Variants in GRAMD4 observed in about 807,000 individuals in gnomAD.
GRAMD4 encodes GRAM domain-containing protein 4.
In GRAMD4, 25 loss-of-function variants were observed where a neutral mutation model predicts 83.9. That is an observed-to-expected ratio of 0.30 (90% CI 0.22 to 0.42). GRAMD4 has a LOEUF of 0.42. Among genes scored for constraint, GRAMD4 ranks in the 10% least tolerant of loss-of-function variants. The probability of loss-of-function intolerance (pLI) is 1.00; values close to 1 mark genes in which losing one functional copy is unlikely to be tolerated. For synonymous variants in GRAMD4, 336 were observed against 320.9 expected (o/e 1.05, Z -0.50); for missense variants, 593 against 788.7 (o/e 0.75, Z 2.97).
At chr22:46,670,933 G>A (rs1305024679) in intron 13 of GRAMD4, 3 of 265,696 alleles carry the variant, frequency 1.1e-5, no homozygotes, top group Admixed American at 7.9e-5. Flanking sequence ...CACCCAGTGT[G>A]GTTTGGGTTC....
chr22:46,600,372 G>A (rs1008681933), intron 1 of GRAMD4, among the ~76,000 whole-genome samples: 1 of 152,172 alleles, frequency 6.6e-6, no homozygotes. Context: ...GGAGCTGCTT[G>A]GGGTGCTCTG....
chr22:46,587,674 A>G (rs1262842839), intron 1 of GRAMD4, among the ~76,000 whole-genome samples: 2 of 151,750 alleles, frequency 1.3e-5, no homozygotes, highest in African/African-American at 4.9e-5. Flanking sequence ...CTGTGGGAGA[A>G]GCCTAGGCAG....
chr22:46,650,268 G>T (rs564547158), intron 3 of GRAMD4, among the ~76,000 whole-genome samples: 2 of 152,324 alleles, frequency 1.3e-5, no homozygotes, highest in South Asian at 2.1e-4. Flanking sequence ...AATAGCCGCA[G>T]AACTGCTTTC....
intron 3 of GRAMD4, among the ~76,000 whole-genome samples, chr22:46,644,781 G>A (rs1390111772): frequency 1.0e-4 from 15 of 144,666 alleles, no homozygotes; most frequent in African/African-American, 7.7e-5. Context: ...CACTGAGGCC[G>A]GAGTGCAGTA....
At chr22:46,607,318 C>T (rs1480780792) in intron 1 of GRAMD4, among the ~76,000 whole-genome samples, 1 of 152,162 alleles carries the variant, frequency 6.6e-6, no homozygotes, top group Non-Finnish European at 1.5e-5. Flanking sequence ...ATGTTGTGCA[C>T]ATGTACCCTA....
intron 2 of GRAMD4, among the ~76,000 whole-genome samples, chr22:46,636,893 T>TG (rs1460301311): frequency 6.6e-6 from 1 of 152,208 alleles, no homozygotes; most frequent in Non-Finnish European, 1.5e-5. Flanking sequence ...CCTGGCTTGC[T>TG]GGGGCTGTGA....
chr22:46,639,161 T>A (rs1044143397), intron 3 of GRAMD4, among the ~76,000 whole-genome samples: 1 of 151,438 alleles, frequency 6.6e-6, no homozygotes, highest in African/African-American at 2.4e-5. Flanking sequence ...TGAGTGTGTG[T>A]GTGTGTGTGT....
At chr22:46,615,628 C>T (rs1256774734), upstream of GRAMD4, among the ~76,000 whole-genome samples, 15 of 114,722 alleles carry the variant, frequency 1.3e-4, 1 homozygote, top group African/African-American at 5.0e-4. Flanking sequence ...GTAGGTTCCC[C>T]CGTGTGTAGG....
intron 3 of GRAMD4, among the ~76,000 whole-genome samples, chr22:46,652,296 CT>C (rs2147296377): frequency 6.6e-6 from 1 of 152,246 alleles, no homozygotes; most frequent in African/African-American, 2.4e-5. Flanking sequence ...TCATTGCTCC[CT>C]GGGGGCCGCA....
Position 46,626,838 on chromosome 22 carries a change from CAA to C in GRAMD4, c.40_41del (p.Lys14GlufsTer3). On this transcript the variant is annotated frameshift_variant, in exon 2 of 19. Coordinates refer to ENST00000406902, the MANE Select transcript of GRAMD4 (RefSeq NM_015124.5). LOFTEE classifies it high-confidence loss of function. ...RLDKIRFRGH[K>X]RDDFLDLAES... ...TGGACAAAATCAGGTTCAGAGGTCA[CAA>C]GAGAGATGACTTCCTCGATCTAGCG... 1 of 1,613,732 alleles carries C rather than the reference CAA, an allele frequency of 6.2e-7. No homozygotes were observed. The highest frequency in any genetic ancestry group is 8.5e-7 in the Non-Finnish European group (1 of 1,179,618).
At chr22:46,623,662 C>T (rs2081610819) in intron 1 of GRAMD4, among the ~76,000 whole-genome samples, 1 of 152,112 alleles carries the variant, frequency 6.6e-6, no homozygotes. Context: ...TCCCAAAGTG[C>T]TGAGATTACA....
intron 10 of GRAMD4, among the ~76,000 whole-genome samples, 162 bp downstream of exon 10, chr22:46,667,035 T>C (rs1457468567): frequency 6.6e-6 from 1 of 152,062 alleles, no homozygotes; most frequent in African/African-American, 2.4e-5. Flanking sequence ...GGCCAGCCCC[T>C]CCCTAGCCCC....
chr22:46,671,145 C>CG (rs768950200), intron 13 of GRAMD4: 2 of 465,412 alleles, frequency 4.3e-6, no homozygotes, highest in South Asian at 3.1e-5. Flanking sequence ...GCTGAGCTGT[C>CG]CCTCCTGGGT....
chr22:46,615,982 G>A (rs1319596170), upstream of GRAMD4, among the ~76,000 whole-genome samples: 1 of 130,168 alleles, frequency 7.7e-6, no homozygotes, highest in Admixed American at 8.5e-5. Flanking sequence ...AGGTTCCCCT[G>A]TGCTTGTGGG....
Position 46,673,273 on chromosome 22 carries a change from C to T in GRAMD4, c.1239+276C>T, listed in dbSNP as rs780032654. Among the ~76,000 whole-genome samples the T allele has an allele frequency of 3.9e-5, 6 of 152,356 alleles. No homozygotes were observed. The East Asian group carries it at 1.2e-3, about 29-fold the overall frequency. ...GTGACCACTCCATGGGGGTGCCCGG[C>T]CCCTGCCATCCCTGACAGTGAGGCT... On this transcript the variant is annotated intron_variant, in intron 14 of 18. Coordinates refer to ENST00000406902, the MANE Select transcript of GRAMD4 (RefSeq NM_015124.5).
upstream of GRAMD4, among the ~76,000 whole-genome samples, chr22:46,576,926 G>A (rs1276810320): frequency 6.9e-6 from 1 of 145,840 alleles, no homozygotes; most frequent in Non-Finnish European, 1.5e-5. Flanking sequence ...CGCGCCGCGT[G>A]ACCGAGCTGG....
At chr22:46,652,962 G>A (rs1246526042) in intron 3 of GRAMD4, among the ~76,000 whole-genome samples, 3 of 152,214 alleles carry the variant, frequency 2.0e-5, no homozygotes, top group African/African-American at 4.8e-5. Flanking sequence ...AGGCCGGTGC[G>A]ATGGAGTCGT....
chr22:46,637,123 G>C (rs2081901848), intron 2 of GRAMD4, among the ~76,000 whole-genome samples: 1 of 152,212 alleles, frequency 6.6e-6, no homozygotes, highest in Non-Finnish European at 1.5e-5. Flanking sequence ...CTCCACTGAG[G>C]TGTGAGGGCC....
At chr22:46,607,200 TA>T (rs138538) in intron 1 of GRAMD4, among the ~76,000 whole-genome samples, 115,355 of 147,320 alleles carry the variant, frequency 0.78, 45,600 homozygotes, top group East Asian at 1. Context: ...CTCGTGTCTT[TA>T]AAAAGGGGGG....
Sources: allele counts gnomAD v4.1 joint callset (sites outside exome capture counted in the v4.1 genomes callset), GRCh38; gene constraint gnomAD v4.1.1; transcripts MANE v1.5; gene names NCBI Gene and HGNC (gene_info 2026-07-23, HGNC 2026-07-21).